Variants in PRSS23 observed in about 807,000 individuals in gnomAD.
The protein encoded by PRSS23 is serine protease 23.
Under a neutral mutation model 34.7 loss-of-function variants are expected in PRSS23, and 25 were observed. The ratio of observed to expected loss-of-function variants is 0.72; its 90% CI spans 0.53 to 1.01. The LOEUF (loss-of-function observed/expected upper bound fraction) is 1.01. Ranked by LOEUF, PRSS23 falls within the 50% of genes least tolerant of loss-of-function variation. The pLI is 0.00. For synonymous variants in PRSS23, 176 were observed against 186.6 expected (o/e 0.94, Z 0.46); for missense variants, 445 against 475.6 (o/e 0.94, Z 0.60).
chr11:86,849,424 AC>A lies in PRSS23; in HGVS notation c.206+25832del, dbSNP rs1948512996. Among the ~76,000 whole-genome samples the A allele has an allele frequency of 2.0e-5, 3 of 152,198 alleles. No individual in the cohort carries two copies. In the South Asian group the frequency reaches 6.2e-4, roughly 31 times the overall value. ...ACAAATTACCCATTTGTTGTCCCCT[AC>A]TTGAAGAAGGAATCAACTCTGAAGT... On this transcript the variant is annotated intron_variant, in intron 2 of 2. Transcript: ENST00000533902.
At chr11:86,887,195 G>A (rs1259579164) in intron 2 of PRSS23, among the ~76,000 whole-genome samples, 1 of 152,046 alleles carries the variant, frequency 6.6e-6, no homozygotes, top group Non-Finnish European at 1.5e-5. Flanking sequence ...ACACAATCCT[G>A]GCTTCTTTTA....
exon 3 of PRSS23, chr11:86,952,497 AC>A: frequency 2.5e-6 from 4 of 1,606,008 alleles, no homozygotes; most frequent in Non-Finnish European, 3.4e-6. Context: ...ATGAACACAC[AC>A]AAAAAAAACA....
chr11:86,825,990 A>G (rs1203400144), intron 2 of PRSS23, among the ~76,000 whole-genome samples: 1 of 152,180 alleles, frequency 6.6e-6, no homozygotes, highest in Non-Finnish European at 1.5e-5. Context: ...TATGAACTTT[A>G]AAGTAGTTTT....
At chr11:86,854,164 C>G (rs1329543852) in intron 2 of PRSS23, among the ~76,000 whole-genome samples, 1 of 152,126 alleles carries the variant, frequency 6.6e-6, no homozygotes, top group African/African-American at 2.4e-5. Flanking sequence ...CCACGCCTGG[C>G]TAATTTTTTG....
chr11:86,915,278 G>T (rs1565384887), intron 2 of PRSS23, among the ~76,000 whole-genome samples: 1 of 152,074 alleles, frequency 6.6e-6, no homozygotes, highest in Non-Finnish European at 1.5e-5. Flanking sequence ...ACTCAGGGTG[G>T]GTTAGGGAGC....
intron 2 of PRSS23, among the ~76,000 whole-genome samples, chr11:86,840,294 CAAAA>C (rs1565362396): frequency 6.6e-6 from 1 of 151,294 alleles, no homozygotes; most frequent in South Asian, 2.1e-4. Flanking sequence ...AACAAACAAA[CAAAA>C]AAAGCAGGGA....
chr11:86,799,341 C>T (rs1487887090), upstream of PRSS23, among the ~76,000 whole-genome samples: 1 of 152,210 alleles, frequency 6.6e-6, no homozygotes, highest in Non-Finnish European at 1.5e-5. Context: ...ATATCAGTAA[C>T]ACCTTGGTGT....
At chr11:86,847,776 A>G (rs1031507579) in intron 2 of PRSS23, among the ~76,000 whole-genome samples, 1 of 152,232 alleles carries the variant, frequency 6.6e-6, no homozygotes, top group Non-Finnish European at 1.5e-5. Context: ...TGTATTAATT[A>G]TAACACCCTT....
At chr11:86,900,340 G>A (rs143207213) in intron 2 of PRSS23, among the ~76,000 whole-genome samples, 23 of 152,306 alleles carry the variant, frequency 1.5e-4, no homozygotes, top group African/African-American at 4.1e-4. Context: ...GCATGTGCCC[G>A]TATGCTCAGG....
intron 2 of PRSS23, among the ~76,000 whole-genome samples, chr11:86,872,108 T>A (rs1193858212): frequency 6.6e-6 from 1 of 152,178 alleles, no homozygotes; most frequent in East Asian, 1.9e-4. Context: ...AACTCTTTCT[T>A]GTGTCAAATG....
chr11:86,885,727 A>G (rs939227967), intron 2 of PRSS23, among the ~76,000 whole-genome samples: 1 of 152,118 alleles, frequency 6.6e-6, no homozygotes, highest in Non-Finnish European at 1.5e-5. Context: ...ACCTAAACCA[A>G]TTGTTTAAAA....
intron 2 of PRSS23, chr11:86,909,293 G>T (rs919213661): frequency 9.9e-5 from 15 of 152,204 alleles, no homozygotes; most frequent in African/African-American, 3.4e-4. Flanking sequence ...GTAAAAAGAG[G>T]ACAGGCTGAG....
At position 86,808,406 on chromosome 11, in the gene PRSS23, C is replaced by T; in HGVS notation, c.763C>T (p.Pro255Ser). ...YDYALLELKK[P>S]HKRKFMKIGV... Reference sequence around the variant, plus strand: ...TTATGCCCTCCTGGAACTCAAAAAGCCCCACAAGAGAAAATTTATGAAGAT... The same window carrying T: ...TTATGCCCTCCTGGAACTCAAAAAGTCCCACAAGAGAAAATTTATGAAGAT... Residue 255 changes from proline (P) to serine (S), a missense_variant, in exon 2 of 2, where the codon CCC becomes TCC. Pro to Ser is a moderately conservative substitution (Grantham distance 74, BLOSUM62 -1). Transcript: ENST00000280258. The T allele has an allele frequency of 6.2e-7, 1 of 1,614,178 alleles. No individual in the cohort carries two copies. The highest frequency in any genetic ancestry group is 8.5e-7 in the Non-Finnish European group (1 of 1,180,054).
At chr11:86,799,324 A>G (rs890929828), upstream of PRSS23, among the ~76,000 whole-genome samples, 2 of 152,216 alleles carry the variant, frequency 1.3e-5, no homozygotes, top group African/African-American at 4.8e-5. Flanking sequence ...ACACCAACGT[A>G]TTAGGCATAT....
chr11:86,808,050 G>A lies in PRSS23; in HGVS notation c.407G>A (p.Arg136Lys), dbSNP rs1330504805. Reference protein sequence around the residue: ...RKRQIYGYDSRFSIFGKDFLL... With the variant: ...RKRQIYGYDSKFSIFGKDFLL... Reference sequence around the variant, plus strand: ...CGGCAGATTTATGGCTATGACAGCAGGTTCAGCATTTTTGGGAAGGACTTC... The same window carrying A: ...CGGCAGATTTATGGCTATGACAGCAAGTTCAGCATTTTTGGGAAGGACTTC... Residue 136 changes from arginine (R) to lysine (K), a missense_variant, in exon 2 of 2, where the codon AGG (arginine) becomes AAG (lysine). Physicochemically the swap from Arg to Lys is conservative, Grantham distance 26. Transcript: ENST00000280258. 1.2e-6 allele frequency: 2 copies of A among 1,613,908 alleles called. No homozygotes were observed. The highest frequency in any genetic ancestry group is 2.7e-5 in the African/African-American group (2 of 74,854).
chr11:86,824,405 G>A (rs931007886), intron 2 of PRSS23, among the ~76,000 whole-genome samples: 3 of 139,392 alleles, frequency 2.2e-5, no homozygotes, highest in African/African-American at 8.1e-5. Context: ...AGGAAAGTAA[G>A]AACAGTGGGG....
chr11:86,941,020 C>T (rs1949203853), intron 2 of PRSS23: 3 of 152,172 alleles, frequency 2.0e-5, no homozygotes, highest in African/African-American at 4.8e-5. Context: ...TCCGATGGCA[C>T]ATAATGAGTA....
At chr11:86,883,413 A>C (rs766440540) in intron 2 of PRSS23, among the ~76,000 whole-genome samples, 8 of 152,236 alleles carry the variant, frequency 5.3e-5, no homozygotes, top group Non-Finnish European at 1.2e-4. Flanking sequence ...CTATTCAGTA[A>C]ATGGTGCTGG....
intron 2 of PRSS23, chr11:86,858,053 C>G (rs528756161): frequency 4.4e-6 from 1 of 225,254 alleles, no homozygotes; most frequent in East Asian, 1.4e-4. Flanking sequence ...TGTACCACCC[C>G]CTGTGATACT....
Sources: allele counts gnomAD v4.1 joint callset (sites outside exome capture counted in the v4.1 genomes callset), GRCh38; gene constraint gnomAD v4.1.1; transcripts MANE v1.5; gene names NCBI Gene and HGNC (gene_info 2026-07-23, HGNC 2026-07-21).